RHPN1: variants seen among roughly 807,000 people sequenced by gnomAD.
RHPN1 encodes the protein rhophilin Rho GTPase binding protein 1.
A neutral mutation model predicts 74.7 loss-of-function variants in RHPN1; 77 were observed. The observed-to-expected ratio is 1.03, with a 90% CI of 0.86 to 1.25. The LOEUF (loss-of-function observed/expected upper bound fraction) is 1.25. Ranked by LOEUF, RHPN1 falls within the 50% of genes most tolerant of loss-of-function variation. The probability of loss-of-function intolerance (pLI) is 0.00; values close to 1 mark genes in which losing one functional copy is unlikely to be tolerated. For synonymous variants in RHPN1, 444 were observed against 414.5 expected (o/e 1.07, Z -0.87); for missense variants, 987 against 932.2 (o/e 1.06, Z -0.77).
At chr8:143,370,377 G>T (rs1273538724) in intron 1 of RHPN1, among the ~76,000 whole-genome samples, 1 of 152,210 alleles carries the variant, frequency 6.6e-6, no homozygotes, top group South Asian at 2.1e-4. Flanking sequence ...TGTCACACGC[G>T]CACCACTCAG....
intron 11 of RHPN1, 130 bp downstream of exon 11, chr8:143,380,913 C>A: frequency 1.2e-6 from 1 of 829,054 alleles, no homozygotes; most frequent in Non-Finnish European, 1.8e-6. Flanking sequence ...TAGCACTTTC[C>A]AGGCCACGAT....
chr8:143,365,719 C>G (rs1170014098), upstream of RHPN1, among the ~76,000 whole-genome samples: 1 of 152,226 alleles, frequency 6.6e-6, no homozygotes, highest in Non-Finnish European at 1.5e-5. Flanking sequence ...TAAAGCAGGC[C>G]AGGCACAGCG....
In RHPN1 at chr8:143,378,963, G is replaced by T; in HGVS notation, c.636G>T (p.Glu212Asp). The T allele has an allele frequency of 6.4e-7, 1 of 1,568,382 alleles. No individual in the cohort carries two copies. Among genetic ancestry groups the T allele is most frequent in the East Asian group, 2.4e-5 (1 of 41,774 alleles). The change falls in exon 7 of 15, where the codon GAG becomes GAT. Residue 212 changes from glutamate to aspartate, a missense_variant. Transcript: ENST00000289013. The part of the protein sequence containing the change: ...VPAQQRALAF[E>D]KGSVLFNIGA... ...CCCAGCAGCGTGCCCTGGCCTTCGA[G>T]AAGGGCAGCGTTCTCTTCAACATCG...
rs1818700223 is a variant in RHPN1 at position 143,381,211 on chromosome 8, T to C, written c.1412-57T>C. 4.8e-6 allele frequency: 7 copies of C among 1,473,636 alleles called. No individual in the cohort carries two copies. In the South Asian group the frequency reaches 8.5e-5, roughly 18 times the overall value. 91.3% of individuals were successfully genotyped at this position (1,473,636 alleles called of 1,614,324 possible). ...GGGTCATGCCCTGCGCCCTGGAAAA[T>C]CCCCGAGGCAGGTCTCCACAGTCTC... On this transcript the variant is annotated intron_variant, in intron 11 of 14. Transcript: ENST00000289013.
intron 1 of RHPN1, among the ~76,000 whole-genome samples, chr8:143,369,909 G>A (rs78822910): frequency 0.017 from 2,625 of 152,304 alleles, 70 homozygotes; most frequent in African/African-American, 0.061. Flanking sequence ...AGGAGGAGGC[G>A]GTGCTATCAG....
rs1298300924 is a variant in RHPN1, at chr8:143,379,077, TGGTGAGGGCGGCCCGGGCCGC to T, written c.751+4_751+24del. Reference sequence around the variant, plus strand: ...CTATGGAGGCCTTCCAGAGGGCCGCTGGTGAGGGCGGCCCGGGCCGCGGTGGGGCACGGCGCGGTGCCAGGG... The same window carrying T: ...CTATGGAGGCCTTCCAGAGGGCCGCTGGTGGGGCACGGCGCGGTGCCAGGG... On this transcript the variant is annotated splice_donor_variant and splice_donor_5th_base_variant and coding_sequence_variant and intron_variant, in exon 7 of 15. Coordinates refer to ENST00000289013, the MANE Select transcript of RHPN1 (RefSeq NM_052924.3). LOFTEE classifies it high-confidence loss of function. 1.9e-5 allele frequency: 29 copies of T among 1,510,204 alleles called. No individual in the cohort carries two copies. Among genetic ancestry groups the T allele is most frequent in the Non-Finnish European group, 2.4e-5 (27 of 1,130,788 alleles). 93.6% of individuals were successfully genotyped at this position (1,510,204 alleles called of 1,614,324 possible). A position where few individuals can be genotyped will look rare whatever the true frequency, so the allele number is the denominator to read the frequency against.
In RHPN1 at chr8:143,382,457, C is replaced by T. The variant is rs1818808173; in HGVS notation, c.1819C>T (p.Leu607=). 2 of 1,581,464 alleles carry T rather than the reference C, an allele frequency of 1.3e-6. No individual in the cohort carries two copies. Among genetic ancestry groups the T allele is most frequent in the Middle Eastern group, 1.8e-4 (1 of 5,684 alleles). The part of the protein sequence containing the change: ...PSLGDRRPVL[L]GPRGLLRSQR... Reference sequence around the variant, plus strand: ...GCAGGGGGACCGCCGGCCCGTCCTGCTGGGCCCCAGGGGGCTTCTAAGGAG... The same window carrying T: ...GCAGGGGGACCGCCGGCCCGTCCTGTTGGGCCCCAGGGGGCTTCTAAGGAG... The change falls in exon 15 of 15, where the codon CTG becomes TTG. Residue 607 remains leucine (L), a synonymous_variant. Transcript: ENST00000289013.
At chr8:143,381,530 T>A (rs1309782635) in intron 12 of RHPN1, 42 bp from the exon 13 acceptor site, 3 of 1,580,744 alleles carry the variant, frequency 1.9e-6, no homozygotes, top group African/African-American at 1.4e-5. Flanking sequence ...GTCTCCTCAG[T>A]GTGTGGCCCA....
intron 2 of RHPN1, 33 bp from the exon 3 acceptor site, chr8:143,376,492 G>A: frequency 6.2e-7 from 1 of 1,609,894 alleles, no homozygotes; most frequent in Non-Finnish European, 8.5e-7. Context: ...TCTGCCTTGG[G>A]GCTGGGCTTT....
chr8:143,378,131 C>G (rs955780963), intron 4 of RHPN1, 138 bp from the exon 5 acceptor site: 2 of 721,578 alleles, frequency 2.8e-6, no homozygotes, highest in African/African-American at 3.5e-5. Flanking sequence ...AGGGCCCCCA[C>G]GCTGCATGGC....
rs578007073 is a variant in RHPN1, at chr8:143,379,061, C to G, written c.734C>G (p.Ala245Gly). Residue 245 changes from alanine to glycine, a missense_variant, in exon 7 of 15, where the codon GCC becomes GGC. Physicochemically the swap from Ala to Gly is moderately conservative, Grantham distance 60. Coordinates refer to ENST00000289013, the MANE Select transcript of RHPN1 (RefSeq NM_052924.3). Reference protein sequence around the residue: ...CTEGARRAMEAFQRAAGAFSL... With the variant: ...CTEGARRAMEGFQRAAGAFSL... ...GAGGGTGCCCGCCGCGCTATGGAGG[C>G]CTTCCAGAGGGCCGCTGGTGAGGGC... 3.9e-6 allele frequency: 6 copies of G among 1,527,906 alleles called. 1 individual carries two copies. The South Asian group carries it at 7.3e-5, about 19-fold the overall frequency. 94.6% of individuals were successfully genotyped at this position (1,527,906 alleles called of 1,614,324 possible).
chr8:143,382,553 C>T lies in RHPN1; in HGVS notation c.1915C>T (p.Arg639Ter), dbSNP rs374961930. ...TCCCCGGCCCCTCCTCAACTGGAGC[C>T]GAAAGGCCCAGCAGGGCAAGACTGG... The part of the protein sequence containing the change: ...ASPRPLLNWS[R>*]KAQQGKTGGC... The change falls in exon 15 of 15, where the codon CGA becomes TGA. Residue 639 changes from arginine to a stop codon, truncating the protein, a stop_gained. Coordinates refer to ENST00000289013, the MANE Select transcript of RHPN1 (RefSeq NM_052924.3). LOFTEE classifies it low-confidence loss of function (END_TRUNC). 26 of 1,611,534 alleles carry T rather than the reference C, an allele frequency of 1.6e-5. No homozygotes were observed. The highest frequency in any genetic ancestry group is 1.8e-4 in the Middle Eastern group (1 of 5,628).
At chr8:143,378,399 G>A (rs901762) in intron 5 of RHPN1, 53 bp downstream of exon 5, 1,354,710 of 1,361,744 alleles carry the variant, frequency 0.99, 674,096 homozygotes, top group East Asian at 1. Flanking sequence ...AGACACATGC[G>A]GAGGCTGAAG....
chr8:143,379,336 A>G lies in RHPN1; in HGVS notation c.773A>G (p.Glu258Gly). The G allele has an allele frequency of 2.5e-6, 4 of 1,597,496 alleles. No homozygotes were observed. The highest frequency in any genetic ancestry group is 3.4e-6 in the Non-Finnish European group (4 of 1,170,388). Residue 258 changes from glutamate (E) to glycine (G), a missense_variant, in exon 8 of 15, where the codon GAG (glutamate) becomes GGG (glycine). Glu to Gly is a moderately conservative substitution (Grantham distance 98). Transcript: ENST00000289013. ...RAAGAFSLLR[E>G]NFSHAPSPDM... ...GCAGGGGCCTTCAGCCTCCTGAGGG[A>G]GAACTTCTCCCATGCGCCGAGCCCA...
Position 143,371,620 on chromosome 8 carries a change from A to G in RHPN1, c.60+2573A>G, listed in dbSNP as rs1340491416. Among the ~76,000 whole-genome samples the G allele has an allele frequency of 3.3e-5, 5 of 152,188 alleles. No homozygotes were observed. In the East Asian group the frequency reaches 7.7e-4, roughly 24 times the overall value. ...CACACTGTTTCCTCCTGGGCAGAGG[A>G]GCCCCAGTGTCAGGGTTGGGGGGCT... On this transcript the variant is annotated intron_variant, in intron 1 of 14. Transcript: ENST00000289013.
In RHPN1 at chr8:143,382,636, C is replaced by G; in HGVS notation, c.1998C>G (p.His666Gln). The part of the protein sequence containing the change: ...VKPAPPSSLK[H>Q]PGWP ...CAGCTCCGCCCTCATCCTTGAAGCA[C>G]CCAGGGTGGCCGTGAGGGCCAGGAT... The change falls in exon 15 of 15, where the codon CAC (histidine) becomes CAG (glutamine). Residue 666 changes from histidine (H) to glutamine (Q), a missense_variant. His to Gln is a conservative substitution (Grantham distance 24). Transcript: ENST00000289013. The G allele has an allele frequency of 1.9e-6, 3 of 1,609,732 alleles. No individual in the cohort carries two copies. Among genetic ancestry groups the G allele is most frequent in the Non-Finnish European group, 2.5e-6 (3 of 1,179,566 alleles).
At chr8:143,379,099 G>C (rs545493418) in intron 7 of RHPN1, 21 bp downstream of exon 7, 1 of 1,472,970 alleles carries the variant, frequency 6.8e-7, no homozygotes, top group South Asian at 1.4e-5. Flanking sequence ...CCCGGGCCGC[G>C]GTGGGGCACG....
chr8:143,378,752 C>A lies in RHPN1; in HGVS notation c.516C>A (p.Tyr172Ter), dbSNP rs184249058. Residue 172 changes from tyrosine (Y) to a stop codon, truncating the protein, a stop_gained, in exon 6 of 15, where the codon TAC (tyrosine) becomes TAA (stop). Transcript: ENST00000289013. LOFTEE classifies it high-confidence loss of function. ...ESGLELLTAY[Y>*]NQLCFLDARF... ...GCCTGGAGCTGCTCACAGCCTATTA[C>A]AACCAGCTGTGCTTCCTGGATGCGC... 26 of 1,587,282 alleles carry A rather than the reference C, an allele frequency of 1.6e-5. No homozygotes were observed. The highest frequency in any genetic ancestry group is 2.1e-5 in the Non-Finnish European group (24 of 1,167,374).
intron 10 of RHPN1, 47 bp from the exon 11 acceptor site, chr8:143,380,542 G>A: frequency 7.0e-7 from 1 of 1,430,842 alleles, no homozygotes; most frequent in Non-Finnish European, 9.2e-7. Context: ...ACGTCCCAGG[G>A]CCCACGGGCC....
Sources: allele counts gnomAD v4.1 joint callset (sites outside exome capture counted in the v4.1 genomes callset), GRCh38; gene constraint gnomAD v4.1.1; transcripts MANE v1.5; gene names NCBI Gene and HGNC (gene_info 2026-07-23, HGNC 2026-07-21).